The following H2BC12 variants were observed in gnomAD, a reference collection of about 807,000 sequenced individuals.
H2BC12 encodes the protein H2B clustered histone 12.
In H2BC12, 6 loss-of-function variants were observed where a neutral mutation model predicts 6.3. That is an observed-to-expected ratio of 0.95 (90% CI 0.52 to 1.87). The LOEUF is 1.87. H2BC12 is among the 40% of genes most tolerant of loss of function. The pLI, the probability that H2BC12 is intolerant of heterozygous loss-of-function variation, is 0.01. For synonymous variants in H2BC12, 132 were observed against 78.5 expected (o/e 1.68, Z -3.60); for missense variants, 119 against 178.4 (o/e 0.67, Z 1.90).
the H2BC12 span, chr6:27,139,551 G>T: frequency 3.1e-6 from 5 of 1,614,114 alleles, no homozygotes; most frequent in Non-Finnish European, 4.2e-6. Flanking sequence ...AGCGCAAGAC[G>T]GTCACCGCCA....
At chr6:27,139,657 C>T in the H2BC12 span, 11 of 1,570,618 alleles carry the variant, frequency 7.0e-6, no homozygotes, top group East Asian at 4.5e-5. Context: ...CTAAAAAGGC[C>T]CTTTTTAGGG....
chr6:27,139,252 C>G, the H2BC12 span: 1 of 1,527,400 alleles, frequency 6.5e-7, no homozygotes, highest in East Asian at 2.3e-5. Flanking sequence ...CAGAGGTTAC[C>G]CATAAAAGAA....
At chr6:27,142,365 C>A (rs1042930893), downstream of H2BC12, among the ~76,000 whole-genome samples, 1 of 151,298 alleles carries the variant, frequency 6.6e-6, no homozygotes, top group Non-Finnish European at 1.5e-5. Flanking sequence ...CTCCGCCTCC[C>A]GGGTTCAAGC....
downstream of H2BC12, chr6:27,146,336 GTT>G: frequency 6.3e-7 from 1 of 1,592,984 alleles, no homozygotes; most frequent in Admixed American, 1.8e-5. Context: ...AGGAACACGT[GTT>G]TACAGCTCTA....
downstream of H2BC12, among the ~76,000 whole-genome samples, chr6:27,143,313 C>G (rs1279859504): frequency 6.6e-6 from 1 of 152,044 alleles, no homozygotes. Context: ...CACAGTGCCA[C>G]TGCACTCCAG....
rs546322798 is a variant in H2BC12, at chr6:27,146,385, G to A, written c.*33C>T. ...TTAAGTGGCTCTTAAAAGAGCCTTT[G>A]GGGTTGGGCTTTAAGACGCTTACTT... On this transcript the variant is annotated 3_prime_UTR_variant, in exon 1 of 1. Coordinates refer to ENST00000356950, the MANE Select transcript of H2BC12 (RefSeq NM_001312653.2). 25 of 1,613,850 alleles carry A rather than the reference G, an allele frequency of 1.5e-5. No homozygotes were observed. Among genetic ancestry groups the A allele is most frequent in the East Asian group, 6.7e-5 (3 of 44,892 alleles).
At chr6:27,141,265 G>C in the H2BC12 span, among the ~76,000 whole-genome samples, 1 of 151,506 alleles carries the variant, frequency 6.6e-6, no homozygotes, top group African/African-American at 2.4e-5. Flanking sequence ...GGGTGAAAGA[G>C]GAAAGTAATG....
At chr6:27,139,194 T>C in the H2BC12 span, 3 of 1,184,936 alleles carry the variant, frequency 2.5e-6, no homozygotes, top group South Asian at 1.6e-5. Flanking sequence ...CCTCCCCCAA[T>C]GCAGAGGGAC....
chr6:27,139,300 C>T, the H2BC12 span: 14 of 1,596,056 alleles, frequency 8.8e-6, no homozygotes, highest in Non-Finnish European at 1.1e-5. Flanking sequence ...GTTCTCTGAC[C>T]ACTTGATAAT....
downstream of H2BC12, among the ~76,000 whole-genome samples, chr6:27,145,090 C>T (rs1760054659): frequency 6.6e-6 from 1 of 152,096 alleles, no homozygotes; most frequent in Non-Finnish European, 1.5e-5. Context: ...TATAGGTAAA[C>T]AATAAATATA....
the H2BC12 span, among the ~76,000 whole-genome samples, chr6:27,140,982 T>A: frequency 7.9e-5 from 12 of 151,876 alleles, no homozygotes; most frequent in African/African-American, 2.9e-4. Flanking sequence ...AGTTTTTGAA[T>A]GCTGCCTTTT....
chr6:27,146,010 A>G (rs1018315307), downstream of H2BC12, among the ~76,000 whole-genome samples: 2 of 152,114 alleles, frequency 1.3e-5, no homozygotes, highest in Admixed American at 6.5e-5. Flanking sequence ...TAATATATAA[A>G]CTCACGTTAG....
Position 27,146,367 on chromosome 6 carries a change from G to A in H2BC12, c.*51C>T, listed in dbSNP as rs749151134. On this transcript the variant is annotated 3_prime_UTR_variant, in exon 1 of 1. Transcript: ENST00000356950. ...AGCTCTAATATCGATAATTTAAGTG[G>A]CTCTTAAAAGAGCCTTTGGGGTTGG... 4 of 1,609,928 alleles carry A rather than the reference G, an allele frequency of 2.5e-6. No individual in the cohort carries two copies. Among genetic ancestry groups the A allele is most frequent in the Admixed American group, 1.7e-5 (1 of 58,698 alleles).
At chr6:27,144,020 AAG>A (rs1390540545), downstream of H2BC12, among the ~76,000 whole-genome samples, 1 of 152,158 alleles carries the variant, frequency 6.6e-6, no homozygotes, top group Admixed American at 6.5e-5. Flanking sequence ...ATAGATGACA[AAG>A]AGATATATGG....
At chr6:27,146,253 CTGCA>C (rs1295330500), downstream of H2BC12, among the ~76,000 whole-genome samples, 2 of 152,246 alleles carry the variant, frequency 1.3e-5, no homozygotes, top group Non-Finnish European at 2.9e-5. Flanking sequence ...ATTACAAGCA[CTGCA>C]TGCATTACTC....
At chr6:27,145,815 C>T (rs117424961), downstream of H2BC12, among the ~76,000 whole-genome samples, 29 of 152,328 alleles carry the variant, frequency 1.9e-4, no homozygotes, top group East Asian at 5.6e-3. Flanking sequence ...TCCCCTTACC[C>T]TTGCAGACTA....
downstream of H2BC12, among the ~76,000 whole-genome samples, chr6:27,141,583 A>C (rs376488656): frequency 9.9e-5 from 15 of 152,226 alleles, no homozygotes; most frequent in African/African-American, 3.4e-4. Context: ...TGCTAGTCCT[A>C]TAATGAAGAA....
downstream of H2BC12, among the ~76,000 whole-genome samples, chr6:27,142,599 GATAA>G (rs1381198596): frequency 2.8e-5 from 4 of 144,854 alleles, no homozygotes; most frequent in African/African-American, 1.0e-4. Flanking sequence ...TTACTGGAAA[GATAA>G]GTACATGTAT....
At chr6:27,141,595 T>G (rs1278475610), downstream of H2BC12, among the ~76,000 whole-genome samples, 1 of 152,160 alleles carries the variant, frequency 6.6e-6, no homozygotes, top group African/African-American at 2.4e-5. Context: ...AATGAAGAAT[T>G]TGGGGAAATG....
Sources: gnomAD v4.1 joint callset for allele counts (sites outside exome capture counted in the v4.1 genomes callset) on GRCh38, gnomAD v4.1.1 for gene constraint, MANE v1.5 for transcripts, NCBI Gene and HGNC (gene_info 2026-07-23, HGNC 2026-07-21) for gene names.